Variants in PDIA6 observed in about 807,000 individuals in gnomAD.
The protein encoded by PDIA6 is protein disulfide-isomerase A6.
Under a neutral mutation model 58.4 loss-of-function variants are expected in PDIA6, and 29 were observed. The ratio of observed to expected loss-of-function variants is 0.50; its 90% CI spans 0.37 to 0.68. The LOEUF (loss-of-function observed/expected upper bound fraction) is 0.68. Among genes scored for constraint, PDIA6 ranks in the 30% least tolerant of loss-of-function variants. The pLI is 0.00. For missense variants in PDIA6, 480 were observed against 551.0 expected, an observed-to-expected ratio of 0.87 and a Z score of 1.29; for synonymous variants, 192 against 202.6, an observed-to-expected ratio of 0.95 and a Z score of 0.44.
intron 1 of PDIA6, among the ~76,000 whole-genome samples, chr2:10,810,616 A>G (rs113605411): frequency 2.0e-5 from 3 of 152,202 alleles, no homozygotes; most frequent in Admixed American, 6.5e-5. Flanking sequence ...CGGCTACCCA[A>G]TGAAAATGCT....
upstream of PDIA6, among the ~76,000 whole-genome samples, chr2:10,833,486 A>C (rs1667758694): frequency 6.6e-6 from 1 of 152,180 alleles, no homozygotes; most frequent in Non-Finnish European, 1.5e-5. Flanking sequence ...CTCACAGCCA[A>C]GGGGAGTGGC....
chr2:10,795,691 T>C (rs567950101), intron 4 of PDIA6, among the ~76,000 whole-genome samples: 2 of 152,330 alleles, frequency 1.3e-5, no homozygotes, highest in Non-Finnish European at 1.5e-5. Context: ...ATGGAGAGGC[T>C]AGCAGCCAGG....
At chr2:10,796,794 C>T (rs1425961985) in intron 4 of PDIA6, among the ~76,000 whole-genome samples, 1 of 152,134 alleles carries the variant, frequency 6.6e-6, no homozygotes, top group Admixed American at 6.6e-5. Flanking sequence ...TTATTAAATA[C>T]AAGTGACTGT....
At chr2:10,809,495 G>A (rs79886653) in intron 1 of PDIA6, among the ~76,000 whole-genome samples, 37,811 of 151,614 alleles carry the variant, frequency 0.25, 5,302 homozygotes, top group East Asian at 0.39. Context: ...GGGCAACATG[G>A]CAAAACTCCA....
intron 11 of PDIA6, among the ~76,000 whole-genome samples, chr2:10,786,937 T>C (rs1665790850): frequency 6.6e-6 from 1 of 152,104 alleles, no homozygotes; most frequent in African/African-American, 2.4e-5. Context: ...AAGATTACAA[T>C]GCATATGAGG....
intron 2 of PDIA6, among the ~76,000 whole-genome samples, chr2:10,800,090 C>A (rs897791246): frequency 3.3e-4 from 50 of 152,166 alleles, no homozygotes; most frequent in Non-Finnish European, 3.7e-4. Context: ...GTGACTTTAT[C>A]ATGAATGAAA....
intron 2 of PDIA6, among the ~76,000 whole-genome samples, chr2:10,801,738 T>C (rs1273874391): frequency 2.0e-5 from 3 of 152,216 alleles, no homozygotes; most frequent in South Asian, 2.1e-4. Flanking sequence ...TTCTAAAACT[T>C]AGTTTCAAAG....
At chr2:10,817,104 G>A (rs1667220803), upstream of PDIA6, among the ~76,000 whole-genome samples, 1 of 152,148 alleles carries the variant, frequency 6.6e-6, no homozygotes. Flanking sequence ...GGCTGCTCCA[G>A]CCCGCTAGGA....
chr2:10,820,135 C>T (rs186893655), intron 1 of PDIA6, among the ~76,000 whole-genome samples: 13 of 152,286 alleles, frequency 8.5e-5, no homozygotes, highest in African/African-American at 2.4e-4. Context: ...AGATTAAAGA[C>T]GTGGACCCAC....
intron 1 of PDIA6, among the ~76,000 whole-genome samples, chr2:10,802,999 A>G (rs1666578092): frequency 6.6e-6 from 1 of 152,200 alleles, no homozygotes; most frequent in Non-Finnish European, 1.5e-5. Context: ...TTGGGAGGTC[A>G]CTTCTGCCTG....
At chr2:10,798,728 C>G (rs1490340750) in intron 2 of PDIA6, among the ~76,000 whole-genome samples, 1 of 152,198 alleles carries the variant, frequency 6.6e-6, no homozygotes, top group African/African-American at 2.4e-5. Context: ...GATGCAGATT[C>G]TTGGGGTCCA....
intron 1 of PDIA6, among the ~76,000 whole-genome samples, chr2:10,806,726 C>T (rs1328350563): frequency 6.6e-6 from 1 of 151,906 alleles, no homozygotes; most frequent in African/African-American, 2.4e-5. Flanking sequence ...ATGCAAGCTG[C>T]ATTCACGGTA....
Position 10,832,463 on chromosome 2 carries a change from C to A in PDIA6, c.-309G>T. 2.0e-6 allele frequency: 2 copies of A among 985,358 alleles called. 1 individual carries two copies. Among genetic ancestry groups the A allele is most frequent in the Middle Eastern group, 1.0e-3 (2 of 1,914 alleles). The allele number at this position is 985,358 out of a possible 1,614,324, so 61.0% of individuals were successfully genotyped here. On this transcript the variant is annotated 5_prime_UTR_variant, in exon 1 of 14. Coordinates refer to the PDIA6 transcript ENST00000381611. ...TGAAGCACGAGGCCAGGAGACCTAA[C>A]CTTGCAGCGGGCACCCTCGGTTGAG... is the stretch of plus-strand genomic sequence containing the variant.
In PDIA6 at chr2:10,783,434, TCTC is replaced by T; in HGVS notation, c.*821_*823del. ...ATTTTTTTAAGTTACAATAAAATGC[TCTC>T]AAGTCCTTTGAATGTTCCAACAAAT... On this transcript the variant is annotated 3_prime_UTR_variant, in exon 13 of 13. Transcript: ENST00000272227. 1 of 504,578 alleles carries T rather than the reference TCTC, an allele frequency of 2.0e-6. No homozygotes were observed. Among genetic ancestry groups the T allele is most frequent in the Non-Finnish European group, 3.5e-6 (1 of 284,880 alleles). The allele number at this position is 504,578 out of a possible 1,614,324, so 31.3% of individuals were successfully genotyped here. A position where few individuals can be genotyped will look rare whatever the true frequency, so the allele number is the denominator to read the frequency against.
At chr2:10,812,589 G>T in intron 1 of PDIA6, 89 bp downstream of exon 1, 1 of 1,327,372 alleles carries the variant, frequency 7.5e-7, no homozygotes, top group Non-Finnish European at 9.9e-7. Flanking sequence ...GCCGCCTGCG[G>T]CCGCGGCCCG....
intron 1 of PDIA6, among the ~76,000 whole-genome samples, chr2:10,824,306 GC>G (rs946367417): frequency 4.3e-4 from 65 of 152,332 alleles, no homozygotes; most frequent in African/African-American, 1.5e-3. Context: ...ATCCCTGGGG[GC>G]AGCTTACATT....
intron 2 of PDIA6, among the ~76,000 whole-genome samples, chr2:10,818,477 A>ATTTTC (rs201125427): frequency 1.1e-4 from 11 of 103,510 alleles, no homozygotes; most frequent in African/African-American, 4.6e-4. Context: ...CACTTTAACC[A>ATTTTC]TTTAATTTAT....
At chr2:10,788,605 A>G (rs1665890207) in intron 10 of PDIA6, 92 bp downstream of exon 10, 1 of 865,304 alleles carries the variant, frequency 1.2e-6, no homozygotes. Flanking sequence ...CAAACATAGA[A>G]CACAGCTTAC....
chr2:10,818,360 G>T (rs1667267059), intron 2 of PDIA6, among the ~76,000 whole-genome samples: 1 of 151,576 alleles, frequency 6.6e-6, no homozygotes, highest in African/African-American at 2.4e-5. Flanking sequence ...TAGAGATGGG[G>T]TTTTACTATT....
Sources: gnomAD v4.1 joint callset for allele counts (sites outside exome capture counted in the v4.1 genomes callset) on GRCh38, gnomAD v4.1.1 for gene constraint, MANE v1.5 for transcripts, NCBI Gene and HGNC (gene_info 2026-07-23, HGNC 2026-07-21) for gene names.